The following TRPC5 variants were observed in gnomAD, a reference collection of about 807,000 sequenced individuals.
TRPC5 encodes transient receptor potential cation channel subfamily C member 5, also known as short transient receptor potential channel 5.
TRPC5 carries 9 observed loss-of-function variants against 56.5 expected under a neutral mutation model. That is an observed-to-expected ratio of 0.16 (90% confidence interval 0.10 to 0.28). The LOEUF (loss-of-function observed/expected upper bound fraction) is 0.28, where lower values mean the gene tolerates loss of function less well. Among genes scored for constraint, TRPC5 ranks in the 10% least tolerant of loss-of-function variants. The pLI is 1.00. For synonymous variants in TRPC5, 282 were observed against 278.5 expected (o/e 1.01, Z -0.13); for missense variants, 469 against 748.9 (o/e 0.63, Z 4.36).
chrX:111,963,189 C>T (rs967498526), intron 1 of TRPC5, among the ~76,000 whole-genome samples: 1 of 112,486 alleles, frequency 8.9e-6, no homozygotes, highest in African/African-American at 3.2e-5. Flanking sequence ...CCGCACATGG[C>T]TCAGAGGGTC....
At position 111,969,778 on chromosome X, in the gene TRPC5, G is replaced by A. The variant is rs888844628; in HGVS notation, c.-21-17337C>T. Reference sequence around the variant, plus strand: ...GAAGAATGTAGGAGTAAGTAAGCTGGGCCTACTTGTTGGAGGGTGATGAAC... The same window carrying A: ...GAAGAATGTAGGAGTAAGTAAGCTGAGCCTACTTGTTGGAGGGTGATGAAC... On this transcript the variant is annotated intron_variant, in intron 1 of 10. Transcript: ENST00000262839. Among the ~76,000 whole-genome samples the A allele has an allele frequency of 2.7e-5, 3 of 111,140 alleles. No homozygotes were observed. In the South Asian group the frequency reaches 1.1e-3, roughly 42 times the overall value.
chrX:112,060,139 T>C (rs184816047), intron 1 of TRPC5, among the ~76,000 whole-genome samples: 2 of 112,117 alleles, frequency 1.8e-5, no homozygotes, highest in East Asian at 5.7e-4. Flanking sequence ...GTTTTGAATT[T>C]AAATTCTTGG....
At chrX:111,797,160 G>A (rs1049356928) in intron 7 of TRPC5, among the ~76,000 whole-genome samples, 1 of 111,858 alleles carries the variant, frequency 8.9e-6, no homozygotes, top group African/African-American at 3.2e-5. Context: ...GTGCTTAGCT[G>A]TCATATTAAA....
intron 6 of TRPC5, among the ~76,000 whole-genome samples, chrX:111,837,978 G>A (rs976449253): frequency 7.4e-5 from 8 of 108,759 alleles, no homozygotes; most frequent in African/African-American, 2.7e-4. Context: ...AGGCTGAGGT[G>A]GGAGGATTGC....
intron 2 of TRPC5, among the ~76,000 whole-genome samples, chrX:111,921,508 A>C (rs1350130515): frequency 9.0e-6 from 1 of 110,976 alleles, no homozygotes; most frequent in Non-Finnish European, 1.9e-5. Context: ...GGTCAGGTGA[A>C]AAATTCAATT....
intron 1 of TRPC5, among the ~76,000 whole-genome samples, chrX:112,023,246 G>GTTTTTT (rs1163231468): frequency 3.9e-4 from 22 of 56,692 alleles, no homozygotes; most frequent in East Asian, 6.2e-4. Context: ...TTTTTTTTTT[G>GTTTTTT]TTTTTTTTTT....
intron 5 of TRPC5, among the ~76,000 whole-genome samples, chrX:111,849,060 G>A (rs1164394107): frequency 8.9e-6 from 1 of 112,190 alleles, no homozygotes; most frequent in Admixed American, 9.5e-5. Flanking sequence ...TTAAAGGTTT[G>A]AGGTATATGT....
chrX:111,944,086 A>G (rs935423514), intron 2 of TRPC5, among the ~76,000 whole-genome samples: 16 of 111,555 alleles, frequency 1.4e-4, no homozygotes, highest in African/African-American at 4.9e-4. Context: ...TGTTAGCTTC[A>G]TTCTGCAGAT....
intron 6 of TRPC5, among the ~76,000 whole-genome samples, chrX:111,840,026 C>T (rs375987759): frequency 1.5e-3 from 170 of 111,651 alleles, no homozygotes; most frequent in African/African-American, 4.8e-3. Context: ...AAAAATTAGC[C>T]GGGCATGGTG....
intron 2 of TRPC5, among the ~76,000 whole-genome samples, chrX:111,942,576 T>C (rs770801552): frequency 9.0e-6 from 1 of 111,491 alleles, no homozygotes; most frequent in Non-Finnish European, 1.9e-5. Flanking sequence ...ATCTTGAAAC[T>C]CCCTACAATT....
chrX:111,920,339 T>G (rs1473577577), intron 2 of TRPC5, among the ~76,000 whole-genome samples: 1 of 111,130 alleles, frequency 9.0e-6, no homozygotes, highest in Non-Finnish European at 1.9e-5. Context: ...AATGGTTTAG[T>G]CTTCACCTGG....
intron 1 of TRPC5, among the ~76,000 whole-genome samples, chrX:111,967,582 G>T (rs1459852192): frequency 8.9e-6 from 1 of 111,789 alleles, no homozygotes; most frequent in African/African-American, 3.3e-5. Flanking sequence ...ATACTACAAG[G>T]CTACAGTAAT....
intron 1 of TRPC5, among the ~76,000 whole-genome samples, chrX:112,059,909 T>G (rs974948925): frequency 8.9e-6 from 1 of 112,044 alleles, no homozygotes; most frequent in African/African-American, 3.2e-5. Flanking sequence ...AGAAAATGGA[T>G]TTGTACTGAA....
chrX:111,822,221 C>T (rs1343007552), intron 7 of TRPC5, among the ~76,000 whole-genome samples: 2 of 111,209 alleles, frequency 1.8e-5, no homozygotes, highest in Non-Finnish European at 3.8e-5. Context: ...AGGCGCATTT[C>T]CCTTATGGTA....
At chrX:111,994,695 C>T (rs1022269208) in intron 1 of TRPC5, among the ~76,000 whole-genome samples, 3 of 111,295 alleles carry the variant, frequency 2.7e-5, no homozygotes, top group African/African-American at 9.8e-5. Context: ...CACGATTTGG[C>T]TATCTGTTTG....
chrX:111,986,887 AG>A (rs772461322), intron 1 of TRPC5, among the ~76,000 whole-genome samples: 23 of 111,768 alleles, frequency 2.1e-4, no homozygotes, highest in Admixed American at 1.5e-3. Flanking sequence ...CAGGAGATAA[AG>A]GTCTCCTTCA....
intron 1 of TRPC5, among the ~76,000 whole-genome samples, chrX:112,020,736 A>C (rs1310052440): frequency 9.0e-6 from 1 of 111,584 alleles, no homozygotes; most frequent in African/African-American, 3.3e-5. Flanking sequence ...GCTGCCTCCT[A>C]TATTTCTTAC....
intron 1 of TRPC5, among the ~76,000 whole-genome samples, chrX:111,995,069 T>C (rs1247139529): frequency 8.9e-6 from 1 of 112,132 alleles, no homozygotes. Context: ...ACTTCTAGTT[T>C]CTGCCCATTC....
intron 3 of TRPC5, among the ~76,000 whole-genome samples, chrX:111,856,246 A>C (rs1287051058): frequency 9.0e-6 from 1 of 110,584 alleles, no homozygotes. Flanking sequence ...GGCCATTAAA[A>C]ATAGTATGGA....
Sources: allele counts gnomAD v4.1 joint callset (sites outside exome capture counted in the v4.1 genomes callset), GRCh38; gene constraint gnomAD v4.1.1; transcripts MANE v1.5; gene names NCBI Gene and HGNC (gene_info 2026-07-23, HGNC 2026-07-21).